Variants in HSPA12A observed in about 807,000 individuals in gnomAD.
HSPA12A encodes the protein heat shock protein family A (Hsp70) member 12A, also known as heat shock 70 kDa protein 12A.
A neutral mutation model predicts 69.2 loss-of-function variants in HSPA12A; 28 were observed. The ratio of observed to expected loss-of-function variants is 0.40; its 90% CI spans 0.30 to 0.55. The LOEUF is 0.55. Among genes scored for constraint, HSPA12A ranks in the 20% least tolerant of loss-of-function variants. The pLI is 0.38. For synonymous variants in HSPA12A, 345 were observed against 370.5 expected (o/e 0.93, Z 0.79); for missense variants, 686 against 900.7 (o/e 0.76, Z 3.05).
At chr10:116,725,940 C>G (rs558967285) in intron 1 of HSPA12A, among the ~76,000 whole-genome samples, 6 of 152,110 alleles carry the variant, frequency 3.9e-5, no homozygotes, top group African/African-American at 1.4e-4. Flanking sequence ...GCATAGGACT[C>G]CGTTTACAGA....
At chr10:116,690,101 G>A (rs1240103925) in intron 6 of HSPA12A, among the ~76,000 whole-genome samples, 2 of 152,196 alleles carry the variant, frequency 1.3e-5, no homozygotes, top group South Asian at 2.1e-4. Flanking sequence ...AATGGGGGAT[G>A]GAGAGAGAGT....
intron 2 of HSPA12A, among the ~76,000 whole-genome samples, chr10:116,779,976 A>G (rs1269554071): frequency 2.0e-5 from 3 of 152,100 alleles, no homozygotes; most frequent in Non-Finnish European, 4.4e-5. Flanking sequence ...GCTTCGACCT[A>G]CCTAGAGGAG....
chr10:116,671,310 A>T lies in HSPA12A; in HGVS notation c.*3471T>A, dbSNP rs1272122708. 6.6e-6 allele frequency: 1 copy of T among 152,164 alleles called. No homozygotes were observed. The highest frequency in any genetic ancestry group is 1.5e-5 in the Non-Finnish European group (1 of 68,030). 9.4% of individuals were successfully genotyped at this position (152,164 alleles called of 1,614,324 possible). A position where few individuals can be genotyped will look rare whatever the true frequency, so the allele number is the denominator to read the frequency against. ...TGAAGTTTGAATTTATCTTGTAGTG[A>T]ATGAGACCCCAGTAGCTGATATTTT... On this transcript the variant is annotated 3_prime_UTR_variant, in exon 12 of 12. Coordinates refer to ENST00000369209, the MANE Select transcript of HSPA12A (RefSeq NM_025015.3).
chr10:116,749,004 C>A (rs949631887), intron 2 of HSPA12A, among the ~76,000 whole-genome samples: 1 of 152,122 alleles, frequency 6.6e-6, no homozygotes, highest in Admixed American at 6.5e-5. Context: ...TTCCTCACCC[C>A]CTGCTGTCTG....
At chr10:116,752,621 C>T (rs1172369096) in intron 2 of HSPA12A, among the ~76,000 whole-genome samples, 12 of 152,178 alleles carry the variant, frequency 7.9e-5, no homozygotes, top group Admixed American at 6.5e-4. Context: ...AAAATTTCAC[C>T]TATCTTCTGC....
rs185148595 is a variant in HSPA12A, at chr10:116,799,466, C to T, written c.91+35469G>A. On this transcript the variant is annotated intron_variant, in intron 2 of 12. Coordinates refer to the HSPA12A transcript ENST00000635765. ...TGGGTGACCTGAACAAACACACACA[C>T]GCACACACATATATGCATACACAAA... Among the ~76,000 whole-genome samples, 541 of 152,278 alleles carry T rather than the reference C, an allele frequency of 3.6e-3. 2 individuals are homozygous for T. The highest frequency in any genetic ancestry group is 0.012 in the African/African-American group (501 of 41,558).
At chr10:116,684,440 A>AC (rs1554879238) in intron 6 of HSPA12A, among the ~76,000 whole-genome samples, 2 of 152,108 alleles carry the variant, frequency 1.3e-5, no homozygotes, top group Non-Finnish European at 1.5e-5. Flanking sequence ...ATCGGAGCAA[A>AC]CCCCTATCTT....
At chr10:116,744,708 C>T (rs906854967), upstream of HSPA12A, among the ~76,000 whole-genome samples, 2 of 152,258 alleles carry the variant, frequency 1.3e-5, no homozygotes, top group African/African-American at 4.8e-5. Context: ...CCATCCAGCC[C>T]GCCAGCGAGG....
At chr10:116,752,179 G>A (rs782791735) in intron 2 of HSPA12A, among the ~76,000 whole-genome samples, 12 of 152,180 alleles carry the variant, frequency 7.9e-5, no homozygotes, top group Non-Finnish European at 1.6e-4. Context: ...AAGTCTTGGG[G>A]CTAGAAGGGG....
intron 2 of HSPA12A, among the ~76,000 whole-genome samples, chr10:116,811,726 G>A (rs543715868): frequency 8.5e-5 from 13 of 152,248 alleles, no homozygotes; most frequent in African/African-American, 2.6e-4. Flanking sequence ...AACTGCCTGC[G>A]CTCCGTAGGG....
intron 2 of HSPA12A, among the ~76,000 whole-genome samples, chr10:116,833,570 C>T (rs983209075): frequency 1.3e-5 from 2 of 152,136 alleles, no homozygotes; most frequent in Non-Finnish European, 2.9e-5. Flanking sequence ...CTCTTTGTTG[C>T]TCAGACAATA....
intron 2 of HSPA12A, among the ~76,000 whole-genome samples, chr10:116,826,790 G>C (rs767768535): frequency 1.4e-4 from 21 of 152,158 alleles, no homozygotes; most frequent in Non-Finnish European, 2.2e-4. Flanking sequence ...GTGGCTCTTT[G>C]TACATTTCAC....
At chr10:116,732,582 TCAAGTGAGGGAACACA>T (rs1402085730) in intron 1 of HSPA12A, among the ~76,000 whole-genome samples, 3 of 152,174 alleles carry the variant, frequency 2.0e-5, no homozygotes, top group Admixed American at 2.0e-4. Context: ...ACCACTACTG[TCAAGTGAGGGAACACA>T]CAAGAGACTA....
chr10:116,733,653 A>G (rs1320956938), intron 1 of HSPA12A, among the ~76,000 whole-genome samples: 1 of 152,152 alleles, frequency 6.6e-6, no homozygotes, highest in Non-Finnish European at 1.5e-5. Flanking sequence ...TGACAAAACT[A>G]CCCACTAAGT....
intron 2 of HSPA12A, among the ~76,000 whole-genome samples, chr10:116,806,374 T>C (rs1250553461): frequency 6.6e-6 from 1 of 152,000 alleles, no homozygotes; most frequent in East Asian, 1.9e-4. Flanking sequence ...CCCAGCTAAT[T>C]TTTGTATTTT....
chr10:116,746,334 G>A (rs1403524131), upstream of HSPA12A, among the ~76,000 whole-genome samples: 1 of 152,248 alleles, frequency 6.6e-6, no homozygotes, highest in African/African-American at 2.4e-5. Context: ...TGGACATGAT[G>A]CACAGCATGG....
At chr10:116,835,018 T>C (rs1054172041) in exon 2 of HSPA12A, 3 of 1,230,824 alleles carry the variant, frequency 2.4e-6, no homozygotes, top group Non-Finnish European at 3.0e-6. Flanking sequence ...GCCAACACTC[T>C]CCATCTGTAG....
At chr10:116,774,691 C>T (rs1844293669) in intron 2 of HSPA12A, among the ~76,000 whole-genome samples, 1 of 152,168 alleles carries the variant, frequency 6.6e-6, no homozygotes, top group Non-Finnish European at 1.5e-5. Flanking sequence ...GAGAGGGAGG[C>T]CTTCTGTGCA....
rs189197182 is a variant in HSPA12A at position 116,792,254 on chromosome 10, G to A, written c.91+42681C>T. 1.2e-3 allele frequency among the ~76,000 whole-genome samples: 72 copies of A among 60,314 alleles called. No individual in the cohort carries two copies. In the East Asian group the frequency reaches 0.028, roughly 24 times the overall value. The allele number at this position is 60,314 out of a possible 152,430, so 39.6% of individuals were successfully genotyped here. ...AGCATGGGCAACAAGAATGAAACTC[G>A]GTCTCAAAAAAAAAAAAAAAAAAAA... On this transcript the variant is annotated intron_variant, in intron 2 of 12. Transcript: ENST00000635765.
Sources: allele counts gnomAD v4.1 joint callset (sites outside exome capture counted in the v4.1 genomes callset), GRCh38; gene constraint gnomAD v4.1.1; transcripts MANE v1.5; gene names NCBI Gene and HGNC (gene_info 2026-07-23, HGNC 2026-07-21).